The following ORC5 variants were observed in gnomAD, a reference collection of about 807,000 sequenced individuals.
The protein encoded by ORC5 is origin recognition complex subunit 5, also known as protein phosphatase 1, regulatory subunit 117.
In ORC5, 39 loss-of-function variants were observed where a neutral mutation model predicts 58.8. The ratio of observed to expected loss-of-function variants is 0.66; its 90% CI spans 0.51 to 0.87. The LOEUF is 0.87. ORC5 is among the 40% of genes least tolerant of loss of function. ORC5 has a pLI of 0.00. For synonymous variants in ORC5, 218 were observed against 177.6 expected (o/e 1.23, Z -1.81); for missense variants, 493 against 506.3 (o/e 0.97, Z 0.25).
intron 8 of ORC5, among the ~76,000 whole-genome samples, chr7:104,174,282 A>G (rs993318571): frequency 1.3e-5 from 2 of 152,106 alleles, no homozygotes; most frequent in African/African-American, 4.8e-5. Context: ...TGGTGGGCAC[A>G]GCCTAGCTAA....
intron 13 of ORC5, among the ~76,000 whole-genome samples, chr7:104,135,678 A>C (rs992553240): frequency 6.6e-6 from 1 of 152,200 alleles, no homozygotes; most frequent in Non-Finnish European, 1.5e-5. Context: ...CAACCTATGG[A>C]CTTCAGAACC....
chr7:104,145,428 T>C (rs1015170691), intron 12 of ORC5, among the ~76,000 whole-genome samples: 6 of 152,070 alleles, frequency 3.9e-5, no homozygotes, highest in South Asian at 2.1e-4. Flanking sequence ...TTAATCTCTG[T>C]TGGAAAAAAA....
chr7:104,188,401 T>C lies in ORC5; in HGVS notation c.554-20A>G, dbSNP rs1364933740. 1 of 1,597,452 alleles carries C rather than the reference T, an allele frequency of 6.3e-7. No individual in the cohort carries two copies. Among genetic ancestry groups the C allele is most frequent in the Admixed American group, 1.7e-5 (1 of 59,626 alleles). Reference sequence around the variant, plus strand: ...GGTTGCCTGTTCACAGGACACAAAATAACTTATAATGATTAACATAGTACA... The same window carrying C: ...GGTTGCCTGTTCACAGGACACAAAACAACTTATAATGATTAACATAGTACA... On this transcript the variant is annotated intron_variant, in intron 5 of 13. Coordinates refer to ENST00000297431, the MANE Select transcript of ORC5 (RefSeq NM_002553.4).
intron 1 of ORC5, among the ~76,000 whole-genome samples, chr7:104,204,626 T>C (rs543720002): frequency 1.3e-5 from 2 of 152,232 alleles, no homozygotes; most frequent in African/African-American, 4.8e-5. Context: ...ATGCCACAAC[T>C]TCACTATACA....
At position 104,195,196 on chromosome 7, in the gene ORC5, G is replaced by A; in HGVS notation, c.500C>T (p.Pro167Leu). The A allele has an allele frequency of 1.3e-6, 2 of 1,574,748 alleles. No homozygotes were observed. The highest frequency in any genetic ancestry group is 1.7e-6 in the Non-Finnish European group (2 of 1,165,582). The change falls in exon 5 of 14, where the codon CCA becomes CTA. Residue 167 changes from proline to leucine, a missense_variant. This residue lies in a region of ORC5 where 412 missense variants were observed against 403.7 expected (regional missense o/e 1.02). Coordinates refer to ENST00000297431, the MANE Select transcript of ORC5 (RefSeq NM_002553.4). ...LSEIVWEKFR[P>L]NTGCFEPFVL... is the part of the protein sequence containing the mutation. ...AAACGGCTCAAAGCATCCAGTATTTGGACGAAACTTTTCCCAAACAATTTC... is the reference window on the plus strand; with the variant it reads ...AAACGGCTCAAAGCATCCAGTATTTAGACGAAACTTTTCCCAAACAATTTC...
intron 12 of ORC5, among the ~76,000 whole-genome samples, chr7:104,140,021 A>G (rs1043115234): frequency 6.6e-6 from 1 of 152,064 alleles, no homozygotes; most frequent in Admixed American, 6.5e-5. Flanking sequence ...TCATTATAAT[A>G]ACCCTTTTAT....
In ORC5 at chr7:104,136,779, A is replaced by G; in HGVS notation, c.1262+2T>C. 6.3e-7 allele frequency: 1 copy of G among 1,586,870 alleles called. No individual in the cohort carries two copies. Among genetic ancestry groups the G allele is most frequent in the Non-Finnish European group, 8.7e-7 (1 of 1,155,602 alleles). The stretch of plus-strand genomic sequence containing the variant: ...ATCATTACATAATTCAAGACATTTT[A>G]CCTTGCAATAGCTCTGATGAAGTCT... On this transcript the variant is annotated splice_donor_variant, in intron 13 of 13. Transcript: ENST00000297431. LOFTEE classifies it high-confidence loss of function. This position sits in a 1 kb window ranked among gnomAD's most constrained non-coding sequence, Gnocchi z 4.2.
intron 8 of ORC5, among the ~76,000 whole-genome samples, chr7:104,181,136 T>C (rs561433736): frequency 5.9e-5 from 9 of 152,048 alleles, no homozygotes; most frequent in South Asian, 4.2e-4. Context: ...TTACATGAGA[T>C]TGAATAACTG....
chr7:104,162,067 A>G (rs1310577514), intron 11 of ORC5, among the ~76,000 whole-genome samples: 1 of 152,232 alleles, frequency 6.6e-6, no homozygotes, highest in African/African-American at 2.4e-5. Context: ...CAATATTGTA[A>G]AATGTTCACA....
chr7:104,196,588 C>T (rs919579532), intron 4 of ORC5, among the ~76,000 whole-genome samples: 2 of 152,108 alleles, frequency 1.3e-5, no homozygotes, highest in Non-Finnish European at 2.9e-5. Flanking sequence ...ATTTCAGTGG[C>T]CTCTCTAAAC....
intron 8 of ORC5, among the ~76,000 whole-genome samples, chr7:104,175,383 T>C (rs1426413284): frequency 6.6e-6 from 1 of 152,208 alleles, no homozygotes; most frequent in African/African-American, 2.4e-5. Context: ...TCTGCTGGTA[T>C]TGAGATAAAC....
chr7:104,167,301 G>A (rs1350614516), intron 9 of ORC5, among the ~76,000 whole-genome samples: 1 of 152,110 alleles, frequency 6.6e-6, no homozygotes, highest in Admixed American at 6.6e-5. Flanking sequence ...AAATGCTTGG[G>A]ACCAGAAGTG....
intron 6 of ORC5, among the ~76,000 whole-genome samples, chr7:104,185,355 A>C (rs1382814706): frequency 6.6e-6 from 1 of 152,116 alleles, no homozygotes. Flanking sequence ...GCAGGGTAAA[A>C]ATGTGAACTT....
intron 12 of ORC5, among the ~76,000 whole-genome samples, chr7:104,156,762 C>T (rs536854021): frequency 5.3e-5 from 8 of 151,918 alleles, no homozygotes; most frequent in South Asian, 2.1e-4. Context: ...CCTCCAGGTA[C>T]GAAATATAAT....
In ORC5 at chr7:104,126,829, A is replaced by G. The variant is rs1272448435; in HGVS notation, c.*19T>C. 6 of 1,592,690 alleles carry G rather than the reference A, an allele frequency of 3.8e-6. No homozygotes were observed. Among genetic ancestry groups the G allele is most frequent in the South Asian group, 1.1e-5 (1 of 89,728 alleles). On this transcript the variant is annotated 3_prime_UTR_variant, in exon 14 of 14. Transcript: ENST00000297431. ...GCTTAGTCATTGTCACAGTGTCCAT[A>G]TGGCTTTGAAGCTTGTTTTCACAAG...
chr7:104,190,443 C>T (rs776453293), intron 5 of ORC5, among the ~76,000 whole-genome samples: 1 of 152,054 alleles, frequency 6.6e-6, no homozygotes, highest in East Asian at 1.9e-4. Flanking sequence ...TTGTATAAAA[C>T]GTATTTTCTC....
intron 5 of ORC5, among the ~76,000 whole-genome samples, chr7:104,192,018 A>G (rs746475343): frequency 3.3e-5 from 5 of 152,168 alleles, no homozygotes; most frequent in African/African-American, 4.8e-5. Context: ...GTAATACCTG[A>G]GAAAAGGTAA....
intron 8 of ORC5, among the ~76,000 whole-genome samples, chr7:104,173,868 G>C (rs1168709985): frequency 9.5e-6 from 1 of 105,472 alleles, no homozygotes; most frequent in Non-Finnish European, 2.0e-5. Context: ...TTTTTGAGAC[G>C]GAGTCTCGCT....
chr7:104,127,123 A>C (rs1380312936), intron 13 of ORC5, among the ~76,000 whole-genome samples: 2 of 152,186 alleles, frequency 1.3e-5, no homozygotes, highest in African/African-American at 4.8e-5. Context: ...TTCTAAAAAA[A>C]AGTAAACGAA....
Sources: gnomAD v4.1 joint callset for allele counts (sites outside exome capture counted in the v4.1 genomes callset) on GRCh38, gnomAD v4.1.1 for gene constraint, gnomAD v4.1.1 regional missense constraint, Gnocchi (gnomAD v3.1) non-coding constraint, MANE v1.5 for transcripts, NCBI Gene and HGNC (gene_info 2026-07-23, HGNC 2026-07-21) for gene names.